Variants in PTK7 observed in about 807,000 individuals in gnomAD.
PTK7 encodes protein tyrosine kinase 7 (inactive).
A neutral mutation model predicts 116.6 loss-of-function variants in PTK7; 39 were observed. The observed-to-expected ratio is 0.33, with a 90% CI of 0.26 to 0.44. The LOEUF (loss-of-function observed/expected upper bound fraction) is 0.44, where lower values mean the gene tolerates loss of function less well. Among genes scored for constraint, PTK7 ranks in the 20% least tolerant of loss-of-function variants. The probability of loss-of-function intolerance (pLI) is 1.00; values close to 1 mark genes in which losing one functional copy is unlikely to be tolerated. For synonymous variants in PTK7, 546 were observed against 563.6 expected (o/e 0.97, Z 0.44); for missense variants, 1,169 against 1,425.6 (o/e 0.82, Z 2.90).
In PTK7 at chr6:43,160,821, G is replaced by T. The variant is rs139140017; in HGVS notation, c.3153G>T (p.Arg1051=). The T allele has an allele frequency of 9.3e-6, 15 of 1,614,060 alleles. No homozygotes were observed. The highest frequency in any genetic ancestry group is 1.3e-5 in the Non-Finnish European group (15 of 1,180,034). ...GCTGGGCCCTCAGCCCCAAGGACCG[G>T]CCCTCCTTCAGTGAGATTGCCAGCG... ...QRCWALSPKD[R]PSFSEIASAL... is the part of the protein sequence containing the mutation. The change falls in exon 20 of 20, where the codon CGG becomes CGT. Residue 1051 remains arginine, a synonymous_variant. Coordinates refer to ENST00000230419, the MANE Select transcript of PTK7 (RefSeq NM_002821.5).
intron 1 of PTK7, among the ~76,000 whole-genome samples, chr6:43,079,391 C>T (rs1354536798): frequency 3.3e-5 from 5 of 151,906 alleles, no homozygotes; most frequent in Admixed American, 6.6e-5. Context: ...GGCCTGAACC[C>T]GGGAGGTGGA....
chr6:43,091,465 C>G (rs1766953720), intron 1 of PTK7, among the ~76,000 whole-genome samples: 1 of 152,104 alleles, frequency 6.6e-6, no homozygotes, highest in South Asian at 2.1e-4. Flanking sequence ...CTGCGCCTGG[C>G]CGGTTTCCTC....
At chr6:43,105,487 C>T (rs188775905) in intron 1 of PTK7, among the ~76,000 whole-genome samples, 1 of 145,218 alleles carries the variant, frequency 6.9e-6, no homozygotes, top group East Asian at 2.0e-4. Flanking sequence ...TGCAGAATAG[C>T]AGATATTAGA....
intron 5 of PTK7, among the ~76,000 whole-genome samples, chr6:43,131,099 C>G (rs1769657764): frequency 6.7e-6 from 1 of 150,078 alleles, no homozygotes; most frequent in Non-Finnish European, 1.5e-5. Flanking sequence ...AAGCAAACAC[C>G]TCTAGAAGGT....
At chr6:43,099,214 A>G (rs539741075) in intron 1 of PTK7, among the ~76,000 whole-genome samples, 3 of 151,178 alleles carry the variant, frequency 2.0e-5, no homozygotes, top group Non-Finnish European at 2.9e-5. Flanking sequence ...AATTTCATTC[A>G]TAGCTTCCCA....
At chr6:43,138,293 G>A (rs1461204985) in intron 7 of PTK7, among the ~76,000 whole-genome samples, 1 of 152,096 alleles carries the variant, frequency 6.6e-6, no homozygotes, top group Non-Finnish European at 1.5e-5. Flanking sequence ...TTACAGGTGT[G>A]AGCCACCACT....
At position 43,145,289 on chromosome 6, in the gene PTK7, C is replaced by A; in HGVS notation, c.2497C>A (p.Gln833Lys). Residue 833 changes from glutamine to lysine, a missense_variant, in exon 16 of 20, where the codon CAG (glutamine) becomes AAG (lysine). Gln to Lys is a moderately conservative substitution (Grantham distance 53, BLOSUM62 1). This residue lies in a region of PTK7 where 678 missense variants were observed against 853.8 expected (regional missense o/e 0.79). Transcript: ENST00000230419. This position sits in a 1 kb window ranked among gnomAD's most constrained non-coding sequence, Gnocchi z 4.8. The part of the protein sequence containing the change: ...AETLVLVKSL[Q>K]SKDEQQQLDF... ...GACCCTGGTACTTGTGAAGAGCCTG[C>A]AGAGCAAGGATGAGCAGCAGCAGCT... The A allele has an allele frequency of 1.2e-6, 2 of 1,614,022 alleles. No homozygotes were observed.
chr6:43,080,005 A>T (rs1018245409), intron 1 of PTK7, among the ~76,000 whole-genome samples: 12 of 149,366 alleles, frequency 8.0e-5, no homozygotes, highest in African/African-American at 3.0e-4. Context: ...AGGCTACAGT[A>T]AGCCATGATT....
chr6:43,109,997 C>CT (rs35351540), intron 1 of PTK7, among the ~76,000 whole-genome samples: 19,494 of 109,514 alleles, frequency 0.18, 2,295 homozygotes, highest in East Asian at 0.37. Context: ...CATGCCCGGC[C>CT]TTTTTTTTTT....
intron 15 of PTK7, chr6:43,144,851 CT>C: frequency 4.8e-6 from 2 of 421,024 alleles, no homozygotes; most frequent in Non-Finnish European, 4.1e-6. Context: ...TAAATTGACT[CT>C]TTAAAAAAAA....
At chr6:43,160,001 TGGGCCCCAGATGGGGCCTACTCA>T (rs762901790) in intron 19 of PTK7, 35 bp downstream of exon 19, 309 of 1,595,930 alleles carry the variant, frequency 1.9e-4, no homozygotes, top group East Asian at 1.2e-3. Context: ...TGATTCCAGA[TGGGCCCCAGATGGGGCCTACTCA>T]GGGCCCCAGG....
At chr6:43,124,728 C>T (rs1168182649) in intron 1 of PTK7, among the ~76,000 whole-genome samples, 2 of 152,198 alleles carry the variant, frequency 1.3e-5, no homozygotes, top group African/African-American at 4.8e-5. Flanking sequence ...GCAAGCTGGG[C>T]AGATGGCCAG....
intron 1 of PTK7, among the ~76,000 whole-genome samples, chr6:43,091,293 T>C (rs1452518773): frequency 6.6e-6 from 1 of 152,030 alleles, no homozygotes; most frequent in East Asian, 1.9e-4. Context: ...CCCAACTAGC[T>C]GGGACTACAG....
intron 17 of PTK7, among the ~76,000 whole-genome samples, chr6:43,149,640 C>A (rs886452097): frequency 2.6e-5 from 4 of 152,090 alleles, no homozygotes; most frequent in Non-Finnish European, 4.4e-5. Context: ...ATCCCTTGGG[C>A]CCAGGAGTGA....
In PTK7 at chr6:43,129,333, T is replaced by G. The variant is rs1208409313; in HGVS notation, c.367+69T>G. The G allele has an allele frequency of 6.5e-6, 10 of 1,546,688 alleles. No individual in the cohort carries two copies. Among genetic ancestry groups the G allele is most frequent in the Non-Finnish European group, 8.8e-6 (10 of 1,132,220 alleles). ...CAATGACTGAGGCCTGGGGGATCCC[T>G]CCCTTACCTCAGCTTCTCCCATTTC... On this transcript the variant is annotated intron_variant, in intron 2 of 19. Transcript: ENST00000230419. This position sits in a 1 kb window ranked among gnomAD's most constrained non-coding sequence, Gnocchi z 4.5.
intron 17 of PTK7, among the ~76,000 whole-genome samples, chr6:43,152,454 G>A (rs1045650736): frequency 1.2e-4 from 19 of 152,212 alleles, no homozygotes; most frequent in Non-Finnish European, 2.6e-4. Context: ...GCTTGAACTT[G>A]GGAGGCGGAG....
intron 7 of PTK7, among the ~76,000 whole-genome samples, chr6:43,134,988 GAAA>G (rs1304426963): frequency 6.6e-6 from 1 of 151,640 alleles, no homozygotes; most frequent in African/African-American, 2.4e-5. Flanking sequence ...TTGAAAAAAA[GAAA>G]AAAAATGCAG....
At chr6:43,120,393 G>A (rs922232758) in intron 1 of PTK7, among the ~76,000 whole-genome samples, 1 of 152,218 alleles carries the variant, frequency 6.6e-6, no homozygotes, top group Non-Finnish European at 1.5e-5. Context: ...CAGGCAATGA[G>A]ATTTCAGTGC....
intron 15 of PTK7, 48 bp downstream of exon 15, chr6:43,144,654 G>T: frequency 6.4e-7 from 1 of 1,564,124 alleles, no homozygotes. Context: ...CAAGTCACCC[G>T]CTGTGTCTTG....
Sources: gnomAD v4.1 joint callset for allele counts (sites outside exome capture counted in the v4.1 genomes callset) on GRCh38, gnomAD v4.1.1 for gene constraint, gnomAD v4.1.1 regional missense constraint, Gnocchi (gnomAD v3.1) non-coding constraint, MANE v1.5 for transcripts, NCBI Gene and HGNC (gene_info 2026-07-23, HGNC 2026-07-21) for gene names.